The following NR3C2 variants were observed in gnomAD, a reference collection of about 807,000 sequenced individuals.
The protein encoded by NR3C2 is nuclear receptor subfamily 3 group C member 2, also known as mineralocorticoid receptor.
Under a neutral mutation model 86.4 loss-of-function variants are expected in NR3C2, and 15 were observed. The ratio of observed to expected loss-of-function variants is 0.17; its 90% CI spans 0.12 to 0.27. The LOEUF (loss-of-function observed/expected upper bound fraction) is 0.27. Among genes scored for constraint, NR3C2 ranks in the 10% least tolerant of loss-of-function variants. The probability of loss-of-function intolerance (pLI) is 1.00; values close to 1 mark genes in which losing one functional copy is unlikely to be tolerated. For missense variants in NR3C2, 960 were observed against 1,195.6 expected (o/e 0.80, Z 2.91); for synonymous variants, 458 against 450.5 (o/e 1.02, Z -0.21).
intron 3 of NR3C2, among the ~76,000 whole-genome samples, chr4:148,211,572 T>G (rs932622951): frequency 1.1e-4 from 16 of 152,180 alleles, no homozygotes; most frequent in Admixed American, 5.2e-4. Flanking sequence ...AAAGAAAAAT[T>G]AGAGGAGCTT....
chr4:148,284,466 G>A (rs935358741), intron 2 of NR3C2, among the ~76,000 whole-genome samples: 2 of 152,100 alleles, frequency 1.3e-5, no homozygotes, highest in African/African-American at 4.8e-5. Context: ...AGGTACTCAC[G>A]CTGTGTTCAG....
intron 4 of NR3C2, among the ~76,000 whole-genome samples, chr4:148,173,106 A>G (rs887252177): frequency 6.6e-6 from 1 of 152,332 alleles, no homozygotes; most frequent in East Asian, 1.9e-4. Context: ...AAGAATACAG[A>G]GAGACTTCTT....
intron 2 of NR3C2, among the ~76,000 whole-genome samples, chr4:148,311,525 A>G (rs1355017723): frequency 2.0e-5 from 3 of 152,052 alleles, no homozygotes; most frequent in African/African-American, 4.8e-5. Context: ...CACCTCAATC[A>G]CTACCACAAT....
chr4:148,380,355 G>A (rs974852696), intron 2 of NR3C2, among the ~76,000 whole-genome samples: 4 of 152,128 alleles, frequency 2.6e-5, no homozygotes, highest in South Asian at 2.1e-4. Flanking sequence ...TTGTGTATCC[G>A]TTCATCAGTT....
At chr4:148,246,295 A>T (rs1477728758) in intron 3 of NR3C2, among the ~76,000 whole-genome samples, 2 of 152,256 alleles carry the variant, frequency 1.3e-5, no homozygotes, top group Non-Finnish European at 2.9e-5. Context: ...TATAATGCAT[A>T]GTAGAATATC....
intron 2 of NR3C2, among the ~76,000 whole-genome samples, chr4:148,329,383 CCCTAACT>C (rs1413490482): frequency 6.6e-6 from 1 of 152,018 alleles, no homozygotes; most frequent in Non-Finnish European, 1.5e-5. Context: ...GCACTTAAGC[CCCTAACT>C]CCTAATTTTA....
chr4:148,263,538 G>A (rs1740234009), intron 2 of NR3C2, among the ~76,000 whole-genome samples: 1 of 152,110 alleles, frequency 6.6e-6, no homozygotes, highest in Non-Finnish European at 1.5e-5. Flanking sequence ...TGAAGATAAA[G>A]GTTCTGACTG....
At chr4:148,420,244 G>T (rs1749216128) in intron 2 of NR3C2, among the ~76,000 whole-genome samples, 1 of 152,210 alleles carries the variant, frequency 6.6e-6, no homozygotes, top group Non-Finnish European at 1.5e-5. Flanking sequence ...AGCCCTAGTA[G>T]ATGCAGACAA....
intron 2 of NR3C2, among the ~76,000 whole-genome samples, chr4:148,321,859 G>C (rs9761239): frequency 3.3e-5 from 5 of 151,716 alleles, no homozygotes; most frequent in Non-Finnish European, 7.4e-5. Context: ...CTTTTAATTG[G>C]AGCATTTAGT....
intron 2 of NR3C2, among the ~76,000 whole-genome samples, chr4:148,326,190 A>T (rs1743959337): frequency 6.6e-6 from 1 of 150,486 alleles, no homozygotes; most frequent in African/African-American, 2.4e-5. Context: ...GGAGATCGAG[A>T]CCATCCTGGC....
chr4:148,357,179 C>T (rs1353603809), intron 2 of NR3C2, among the ~76,000 whole-genome samples: 1 of 152,054 alleles, frequency 6.6e-6, no homozygotes, highest in East Asian at 1.9e-4. Context: ...GAGGAAAATC[C>T]TTAGCAAATA....
chr4:148,398,544 C>G (rs899863522), intron 2 of NR3C2, among the ~76,000 whole-genome samples: 15 of 152,258 alleles, frequency 9.9e-5, no homozygotes, highest in Non-Finnish European at 1.8e-4. Flanking sequence ...TTTATAATCT[C>G]AGATAAGAAA....
chr4:148,212,011 C>T (rs1325922212), intron 3 of NR3C2, among the ~76,000 whole-genome samples: 3 of 152,146 alleles, frequency 2.0e-5, no homozygotes, highest in African/African-American at 7.2e-5. Flanking sequence ...CCTCACTGAA[C>T]CTCAACCTTC....
At chr4:148,335,066 T>C (rs1744414387) in intron 2 of NR3C2, among the ~76,000 whole-genome samples, 1 of 152,222 alleles carries the variant, frequency 6.6e-6, no homozygotes, top group African/African-American at 2.4e-5. Flanking sequence ...TATGACCTCA[T>C]TGTAACTAAT....
chr4:148,148,038 T>C (rs959333275), intron 6 of NR3C2, among the ~76,000 whole-genome samples: 5 of 141,076 alleles, frequency 3.5e-5, no homozygotes, highest in African/African-American at 1.0e-4. Flanking sequence ...GACACCTCTT[T>C]AGCTTCTGAC....
At chr4:148,271,798 A>C (rs1396774834) in intron 2 of NR3C2, among the ~76,000 whole-genome samples, 1 of 152,188 alleles carries the variant, frequency 6.6e-6, no homozygotes, top group African/African-American at 2.4e-5. Flanking sequence ...TTTAAATTAA[A>C]AGGACTATTT....
chr4:148,434,473 G>C (rs977630894), intron 2 of NR3C2, among the ~76,000 whole-genome samples: 6 of 152,218 alleles, frequency 3.9e-5, no homozygotes, highest in African/African-American at 1.4e-4. Flanking sequence ...ATATAAGTAA[G>C]AAAGCAAGAT....
chr4:148,374,741 T>C (rs776857402), intron 2 of NR3C2, among the ~76,000 whole-genome samples: 2 of 152,176 alleles, frequency 1.3e-5, no homozygotes, highest in Non-Finnish European at 2.9e-5. Context: ...AAATTAAAAA[T>C]ATATGACACT....
chr4:148,098,367 A>G (rs1267738412), intron 8 of NR3C2, among the ~76,000 whole-genome samples: 1 of 152,172 alleles, frequency 6.6e-6, no homozygotes, highest in Non-Finnish European at 1.5e-5. Flanking sequence ...TATTTTCTCC[A>G]TAAGCCACGT....
Sources: allele counts gnomAD v4.1 joint callset (sites outside exome capture counted in the v4.1 genomes callset), GRCh38; gene constraint gnomAD v4.1.1; transcripts MANE v1.5; gene names NCBI Gene and HGNC (gene_info 2026-07-23, HGNC 2026-07-21).